Variants in POU2F1 observed in about 807,000 individuals in gnomAD.
The protein encoded by POU2F1 is POU domain, class 2, transcription factor 1.
In POU2F1, 16 loss-of-function variants were observed where a neutral mutation model predicts 84.9. The ratio of observed to expected loss-of-function variants is 0.19; its 90% CI spans 0.13 to 0.29. The LOEUF (loss-of-function observed/expected upper bound fraction) is 0.29. Ranked by LOEUF, POU2F1 falls within the 10% of genes least tolerant of loss-of-function variation. The pLI is 1.00. For synonymous variants in POU2F1, 368 were observed against 368.3 expected, an observed-to-expected ratio of 1.00 and a Z score of 0.01; for missense variants, 738 against 942.6, an observed-to-expected ratio of 0.78 and a Z score of 2.84.
rs745794975 is a variant in POU2F1 at position 167,364,581 on chromosome 1, CT to C, written c.128-872del. 9.9e-3 allele frequency among the ~76,000 whole-genome samples: 1,191 copies of C among 120,732 alleles called. 7 individuals are homozygous for C. The highest frequency in any genetic ancestry group is 0.028 in the South Asian group (96 of 3,428). The allele number at this position is 120,732 out of a possible 152,430, so 79.2% of individuals were successfully genotyped here. A position where few individuals can be genotyped will look rare whatever the true frequency, so the allele number is the denominator to read the frequency against. ...AACATTTTTTTTTCTTTCTTTCTTT[CT>C]TTTTTTTTTTTTTGAGACAAGTTTT... On this transcript the variant is annotated intron_variant, in intron 2 of 15. Coordinates refer to ENST00000367866, the MANE Select transcript of POU2F1 (RefSeq NM_002697.4).
intron 5 of POU2F1, among the ~76,000 whole-genome samples, chr1:167,372,872 A>C (rs927137891): frequency 6.6e-6 from 1 of 152,102 alleles, no homozygotes; most frequent in Non-Finnish European, 1.5e-5. Flanking sequence ...ATGGTAAGGA[A>C]TAGTTTTTAT....
intron 13 of POU2F1, among the ~76,000 whole-genome samples, chr1:167,410,117 T>C (rs1283923333): frequency 2.6e-5 from 4 of 152,240 alleles, no homozygotes; most frequent in South Asian, 2.1e-4. Context: ...TCTACAAAGA[T>C]GTAATGATAT....
chr1:167,367,379 C>CATAATACAAT (rs1383654492), intron 3 of POU2F1, among the ~76,000 whole-genome samples: 1 of 152,120 alleles, frequency 6.6e-6, no homozygotes. Flanking sequence ...CAAAGAACCC[C>CATAATACAAT]ATAATACAAT....
At chr1:167,324,719 GCCTCAGTTTA>G (rs1403262311) in intron 1 of POU2F1, among the ~76,000 whole-genome samples, 1 of 152,136 alleles carries the variant, frequency 6.6e-6, no homozygotes, top group East Asian at 1.9e-4. Flanking sequence ...CATTAACTAG[GCCTCAGTTTA>G]CTTTTTATGA....
In POU2F1 at chr1:167,427,226, T is replaced by C. The variant is rs781747603; in HGVS notation, c.*11416T>C. 2.0e-5 allele frequency: 3 copies of C among 152,128 alleles called. No individual in the cohort carries two copies. The highest frequency in any genetic ancestry group is 4.4e-5 in the Non-Finnish European group (3 of 68,010). The allele number at this position is 152,128 out of a possible 1,614,324, so 9.4% of individuals were successfully genotyped here. A position where few individuals can be genotyped will look rare whatever the true frequency, so the allele number is the denominator to read the frequency against. On this transcript the variant is annotated 3_prime_UTR_variant, in exon 16 of 16. Transcript: ENST00000367866. ...CAGTGAATCAGAATGAAGTGGTAGATTTTGTGTAGATGCATTTGTCTGCTG... is the reference window on the plus strand; with the variant it reads ...CAGTGAATCAGAATGAAGTGGTAGACTTTGTGTAGATGCATTTGTCTGCTG...
At chr1:167,266,492 C>G (rs560760702) in intron 1 of POU2F1, among the ~76,000 whole-genome samples, 1 of 152,024 alleles carries the variant, frequency 6.6e-6, no homozygotes, top group African/African-American at 2.4e-5. Context: ...TGCAGATGTT[C>G]TAGAATTATT....
intron 1 of POU2F1, among the ~76,000 whole-genome samples, chr1:167,258,444 A>G (rs1651309759): frequency 6.6e-6 from 1 of 152,242 alleles, no homozygotes; most frequent in South Asian, 2.1e-4. Flanking sequence ...CAAATTGCAA[A>G]AAAATTATAA....
chr1:167,337,667 A>G (rs1478580066), intron 2 of POU2F1, among the ~76,000 whole-genome samples: 3 of 151,076 alleles, frequency 2.0e-5, no homozygotes, highest in Non-Finnish European at 3.0e-5. Flanking sequence ...GCTGGACCCC[A>G]TCTCTACCCT....
In POU2F1 at chr1:167,257,563, T is replaced by C. The variant is rs147321964; in HGVS notation, c.61+36605T>C. 7.0e-3 allele frequency among the ~76,000 whole-genome samples: 1,063 copies of C among 152,298 alleles called. 15 individuals are homozygous for C. Among genetic ancestry groups the C allele is most frequent in the African/African-American group, 0.024 (1,002 of 41,570 alleles). ...ATTTGCTGAGAAGTGAAATAAACTT[T>C]TATTAAAACTATTTGAGGCAAAAGG... On this transcript the variant is annotated intron_variant, in intron 1 of 15. Transcript: ENST00000367866.
chr1:167,277,644 A>G (rs756501086), intron 1 of POU2F1, among the ~76,000 whole-genome samples: 1 of 152,112 alleles, frequency 6.6e-6, no homozygotes, highest in Non-Finnish European at 1.5e-5. Flanking sequence ...GATTTTGTGA[A>G]AGCTCAGTCC....
In POU2F1 at chr1:167,305,778, T is replaced by C. The variant is rs1461702107; in HGVS notation, c.62-26692T>C. 2.6e-5 allele frequency among the ~76,000 whole-genome samples: 4 copies of C among 152,238 alleles called. No individual in the cohort carries two copies. In the East Asian group the frequency reaches 7.7e-4, roughly 29 times the overall value. On this transcript the variant is annotated intron_variant, in intron 1 of 15. Coordinates refer to ENST00000367866, the MANE Select transcript of POU2F1 (RefSeq NM_002697.4). Reference sequence around the variant, plus strand: ...AAGCTTATAAAGATAATGTGAAATTTATTGAGATAATCTGTCATTATGGAA... The same window carrying C: ...AAGCTTATAAAGATAATGTGAAATTCATTGAGATAATCTGTCATTATGGAA...
Position 167,371,970 on chromosome 1 carries a change from G to A in POU2F1, c.336G>A (p.Gln112=), listed in dbSNP as rs1660029097. The part of the protein sequence containing the change: ...GDSQQPSQPS[Q]QPSVQAAIPQ... ...CGCAGCAGCCAAGCCAGCCTTCCCA[G>A]CAGCCTTCAGTGCAGGCAGCCATTC... is the stretch of plus-strand genomic sequence containing the variant. Residue 112 remains glutamine, a synonymous_variant, in exon 5 of 16, where the codon CAG becomes CAA. Transcript: ENST00000367866. 6.2e-7 allele frequency: 1 copy of A among 1,614,036 alleles called. No individual in the cohort carries two copies. The highest frequency in any genetic ancestry group is 1.3e-5 in the African/African-American group (1 of 74,930).
At chr1:167,275,656 A>G (rs1174588957) in intron 1 of POU2F1, among the ~76,000 whole-genome samples, 5 of 152,168 alleles carry the variant, frequency 3.3e-5, no homozygotes, top group East Asian at 1.9e-4. Context: ...CAAGGAAAAA[A>G]AAGACATCCC....
At chr1:167,250,862 G>T (rs1650676212) in intron 1 of POU2F1, among the ~76,000 whole-genome samples, 1 of 152,066 alleles carries the variant, frequency 6.6e-6, no homozygotes, top group African/African-American at 2.4e-5. Flanking sequence ...TCCAAATTTT[G>T]TTACCTTCCC....
intron 2 of POU2F1, among the ~76,000 whole-genome samples, chr1:167,344,807 T>G (rs1336747108): frequency 6.6e-6 from 1 of 152,012 alleles, no homozygotes; most frequent in Admixed American, 6.6e-5. Context: ...TGAAGCAATT[T>G]GAATATGTTT....
intron 1 of POU2F1, among the ~76,000 whole-genome samples, chr1:167,263,255 C>T (rs915615954): frequency 1.3e-5 from 2 of 152,180 alleles, no homozygotes; most frequent in Non-Finnish European, 2.9e-5. Context: ...TGTGGTGGCT[C>T]ATGCCTGTAA....
At chr1:167,350,846 A>T (rs560878519) in intron 2 of POU2F1, among the ~76,000 whole-genome samples, 6 of 152,024 alleles carry the variant, frequency 3.9e-5, no homozygotes, top group East Asian at 1.9e-4. Context: ...TAAAAATACA[A>T]AATTAGCCAG....
At chr1:167,244,330 C>T (rs1650146537) in intron 1 of POU2F1, among the ~76,000 whole-genome samples, 2 of 152,074 alleles carry the variant, frequency 1.3e-5, no homozygotes, top group Admixed American at 6.6e-5. Context: ...TGCTGCCAAG[C>T]TCACTCACAC....
At chr1:167,397,272 C>G (rs1174371035) in intron 10 of POU2F1, among the ~76,000 whole-genome samples, 3 of 151,792 alleles carry the variant, frequency 2.0e-5, no homozygotes, top group African/African-American at 7.3e-5. Context: ...TTCTTTTTAC[C>G]CTAGATTATA....
Sources: allele counts gnomAD v4.1 joint callset (sites outside exome capture counted in the v4.1 genomes callset), GRCh38; gene constraint gnomAD v4.1.1; transcripts MANE v1.5; gene names NCBI Gene and HGNC (gene_info 2026-07-23, HGNC 2026-07-21).